Variants in ACBD6 observed in about 807,000 individuals in gnomAD.
ACBD6 encodes acyl-CoA-binding domain-containing protein 6.
A neutral mutation model predicts 37.2 loss-of-function variants in ACBD6; 28 were observed. The observed-to-expected ratio is 0.75, with a 90% CI of 0.56 to 1.03. ACBD6 has a LOEUF of 1.03. Ranked by LOEUF, ACBD6 falls within the 50% of genes least tolerant of loss-of-function variation. ACBD6 has a pLI of 0.00. For missense variants in ACBD6, 340 were observed against 337.4 expected (o/e 1.01, Z -0.06); for synonymous variants, 113 against 126.8 (o/e 0.89, Z 0.73).
downstream of ACBD6, among the ~76,000 whole-genome samples, chr1:180,288,014 G>A (rs1349558966): frequency 1.3e-5 from 2 of 152,038 alleles, no homozygotes; most frequent in African/African-American, 4.8e-5. Context: ...TTTCCCTAAT[G>A]GTTACATTTG....
rs145195875 is a variant in ACBD6 at position 180,483,911 on chromosome 1, T to C, written c.384+8358A>G. On this transcript the variant is annotated intron_variant, in intron 3 of 7. Transcript: ENST00000367595. Reference sequence around the variant, plus strand: ...AACAAGAATCTTCTCCAAAGAGCTATGGAAAATATCAGATACTACCCGGGA... The same window carrying C: ...AACAAGAATCTTCTCCAAAGAGCTACGGAAAATATCAGATACTACCCGGGA... Among the ~76,000 whole-genome samples the C allele has an allele frequency of 5.1e-3, 784 of 152,328 alleles. 4 individuals are homozygous for C. The highest frequency in any genetic ancestry group is 0.017 in the African/African-American group (725 of 41,576).
intron 6 of ACBD6, among the ~76,000 whole-genome samples, chr1:180,380,186 G>A (rs1022168673): frequency 2.0e-5 from 3 of 152,110 alleles, no homozygotes; most frequent in Non-Finnish European, 4.4e-5. Flanking sequence ...GCTTGAGCCC[G>A]GGAAATCATG....
chr1:180,319,216 T>G (rs1482772336), intron 6 of ACBD6, among the ~76,000 whole-genome samples: 1 of 152,242 alleles, frequency 6.6e-6, no homozygotes, highest in African/African-American at 2.4e-5. Flanking sequence ...ACTATAAACT[T>G]CTTGTAGGCA....
chr1:180,283,232 AAAAT>A (rs1239702953), downstream of ACBD6, among the ~76,000 whole-genome samples: 3 of 152,334 alleles, frequency 2.0e-5, no homozygotes, highest in African/African-American at 7.2e-5. Flanking sequence ...AGTGAGAGGA[AAAAT>A]AAATCCTGCT....
intron 6 of ACBD6, among the ~76,000 whole-genome samples, chr1:180,378,979 C>T (rs977725285): frequency 1.3e-5 from 2 of 152,126 alleles, no homozygotes; most frequent in African/African-American, 4.8e-5. Context: ...ATTTTTGGCA[C>T]CCAAGTAAGT....
chr1:180,324,574 CT>C (rs1651189341), intron 6 of ACBD6, among the ~76,000 whole-genome samples: 1 of 151,848 alleles, frequency 6.6e-6, no homozygotes. Flanking sequence ...AAAAGTTATC[CT>C]AGTTATTATT....
At chr1:180,477,910 G>A (rs1650862096) in intron 3 of ACBD6, among the ~76,000 whole-genome samples, 3 of 151,128 alleles carry the variant, frequency 2.0e-5, no homozygotes, top group Admixed American at 6.6e-5. Context: ...GGAAGGATGA[G>A]GCAGGAGGAT....
At chr1:180,396,657 G>C (rs913985171) in intron 6 of ACBD6, among the ~76,000 whole-genome samples, 2 of 152,074 alleles carry the variant, frequency 1.3e-5, no homozygotes, top group Admixed American at 6.5e-5. Context: ...CTCCAGAAAA[G>C]ATATGCAAAT....
intron 7 of ACBD6, among the ~76,000 whole-genome samples, chr1:180,306,878 G>A (rs1301914768): frequency 6.6e-6 from 1 of 152,186 alleles, no homozygotes; most frequent in African/African-American, 2.4e-5. Flanking sequence ...AGGATGTGGA[G>A]AAAAGGGAGC....
At chr1:180,468,533 G>A (rs935585038) in intron 3 of ACBD6, among the ~76,000 whole-genome samples, 1 of 152,236 alleles carries the variant, frequency 6.6e-6, no homozygotes, top group Non-Finnish European at 1.5e-5. Context: ...TGTCAGATAA[G>A]AAGTAGTATA....
chr1:180,337,340 T>TG (rs1651773071), intron 6 of ACBD6, among the ~76,000 whole-genome samples: 1 of 152,052 alleles, frequency 6.6e-6, no homozygotes, highest in African/African-American at 2.4e-5. Context: ...GATGCAAGGC[T>TG]GGTTCAACAT....
At chr1:180,335,607 C>T (rs548355297) in intron 6 of ACBD6, among the ~76,000 whole-genome samples, 61 of 151,906 alleles carry the variant, frequency 4.0e-4, no homozygotes, top group African/African-American at 1.4e-3. Context: ...CATCAACTAA[C>T]GAGCAAAATA....
chr1:180,395,928 A>C (rs573474848), intron 6 of ACBD6, among the ~76,000 whole-genome samples: 2 of 152,354 alleles, frequency 1.3e-5, no homozygotes, highest in South Asian at 4.1e-4. Context: ...TGGAATAAAC[A>C]AAGTATGGTA....
intron 5 of ACBD6, among the ~76,000 whole-genome samples, chr1:180,412,233 T>C (rs1647891899): frequency 6.6e-6 from 1 of 152,112 alleles, no homozygotes; most frequent in Admixed American, 6.5e-5. Context: ...TTGTGCAGTA[T>C]CATAGTCTTA....
In ACBD6 at chr1:180,456,783, G is replaced by A. The variant is rs1279640311; in HGVS notation, c.385-26521C>T. Among the ~76,000 whole-genome samples the A allele has an allele frequency of 2.6e-5, 4 of 151,776 alleles. 1 individual carries two copies. In the South Asian group the frequency reaches 8.3e-4, roughly 32 times the overall value. On this transcript the variant is annotated intron_variant, in intron 3 of 7. Coordinates refer to ENST00000367595, the MANE Select transcript of ACBD6 (RefSeq NM_032360.4). The stretch of plus-strand genomic sequence containing the variant: ...CTGTTGCCCAGGTTGGAGTACAGTG[G>A]CATGATCAGGGCTCACTGCAGCCTC...
chr1:180,296,864 C>G (rs370226646), intron 7 of ACBD6, among the ~76,000 whole-genome samples: 4 of 152,032 alleles, frequency 2.6e-5, no homozygotes, highest in South Asian at 2.1e-4. Context: ...CAGTGGCTCA[C>G]GCCTGTAATC....
chr1:180,292,730 C>A (rs947555311), intron 7 of ACBD6, among the ~76,000 whole-genome samples: 7 of 151,816 alleles, frequency 4.6e-5, no homozygotes, highest in South Asian at 2.1e-4. Context: ...CTTTTTCTTG[C>A]CTTAATGCAT....
intron 6 of ACBD6, among the ~76,000 whole-genome samples, chr1:180,393,773 T>C (rs1245920110): frequency 2.0e-5 from 3 of 152,282 alleles, no homozygotes; most frequent in East Asian, 3.9e-4. Flanking sequence ...TTAGATTGTA[T>C]AGATTATGAC....
chr1:180,385,960 A>C (rs893498672), intron 6 of ACBD6, among the ~76,000 whole-genome samples: 1 of 152,334 alleles, frequency 6.6e-6, no homozygotes, highest in Admixed American at 6.5e-5. Context: ...ACTTGAGGTC[A>C]GAAGTTTGAG....
Sources: gnomAD v4.1 joint callset for allele counts (sites outside exome capture counted in the v4.1 genomes callset) on GRCh38, gnomAD v4.1.1 for gene constraint, MANE v1.5 for transcripts, NCBI Gene and HGNC (gene_info 2026-07-23, HGNC 2026-07-21) for gene names.